GARIN2: variants seen among roughly 807,000 people sequenced by gnomAD.
The protein encoded by GARIN2 is Golgi-associated RAB2 interactor protein 2.
the GARIN2 span, among the ~76,000 whole-genome samples, chr14:67,205,510 C>T: frequency 6.6e-6 from 1 of 152,010 alleles, no homozygotes; most frequent in Non-Finnish European, 1.5e-5. Flanking sequence ...TACCCAGTAC[C>T]TTGAAGGATG....
the GARIN2 span, among the ~76,000 whole-genome samples, chr14:67,191,916 C>A: frequency 6.6e-6 from 1 of 152,236 alleles, no homozygotes; most frequent in Admixed American, 6.5e-5. Flanking sequence ...CAGAAACGTA[C>A]AACCTAATGT....
At chr14:67,208,089 G>A in the GARIN2 span, 27 of 1,437,118 alleles carry the variant, frequency 1.9e-5, no homozygotes, top group Middle Eastern at 1.0e-3. Context: ...TACTCCTCAC[G>A]GGTGCTCAGT....
chr14:67,202,943 T>G, the GARIN2 span: 1 of 831,942 alleles, frequency 1.2e-6, no homozygotes, highest in Non-Finnish European at 1.8e-6. Flanking sequence ...CTGCGGTATC[T>G]CCAAGAATTA....
At chr14:67,224,972 A>T in the GARIN2 span, 1 of 677,212 alleles carries the variant, frequency 1.5e-6, no homozygotes, top group South Asian at 1.9e-5. Flanking sequence ...AGGTGGTTAG[A>T]ACATAATCTG....
chr14:67,198,184 C>G, the GARIN2 span: 1 of 1,613,322 alleles, frequency 6.2e-7, no homozygotes, highest in African/African-American at 1.3e-5. Context: ...ACCAGCAAGA[C>G]TACCATGAGG....
At chr14:67,225,958 T>TGCGCGC in the GARIN2 span, among the ~76,000 whole-genome samples, 15 of 130,166 alleles carry the variant, frequency 1.2e-4, no homozygotes, top group African/African-American at 4.8e-4. Context: ...TGTGTGTGTG[T>TGCGCGC]GTGTGCGCGC....
At chr14:67,218,544 C>T in the GARIN2 span, among the ~76,000 whole-genome samples, 1 of 152,074 alleles carries the variant, frequency 6.6e-6, no homozygotes, top group Admixed American at 6.5e-5. Flanking sequence ...GGGACTGTTT[C>T]TCTGGTCCAG....
At chr14:67,195,890 C>T in the GARIN2 span, among the ~76,000 whole-genome samples, 10 of 152,110 alleles carry the variant, frequency 6.6e-5, no homozygotes, top group Non-Finnish European at 2.9e-5. Flanking sequence ...TATTGAGAGA[C>T]CTCCTAGAGA....
chr14:67,223,323 A>G, the GARIN2 span, among the ~76,000 whole-genome samples: 2 of 152,228 alleles, frequency 1.3e-5, no homozygotes, highest in Admixed American at 1.3e-4. Context: ...AGTGTCTAAA[A>G]ATATGAGATG....
chr14:67,193,646 T>A, the GARIN2 span, among the ~76,000 whole-genome samples: 1 of 146,134 alleles, frequency 6.8e-6, no homozygotes, highest in South Asian at 2.1e-4. Flanking sequence ...GATATAGATA[T>A]ATAGAAATTA....
the GARIN2 span, among the ~76,000 whole-genome samples, chr14:67,212,574 G>C: frequency 3.3e-5 from 4 of 123,026 alleles, no homozygotes; most frequent in South Asian, 9.4e-4. Flanking sequence ...CTGGGTGACA[G>C]AGCAAGACCC....
chr14:67,224,657 G>T, the GARIN2 span: 1 of 320,200 alleles, frequency 3.1e-6, no homozygotes, highest in South Asian at 2.5e-5. Context: ...CAAATTATGG[G>T]CTTATCTCTG....
chr14:67,201,340 A>T, the GARIN2 span: 1 of 376,832 alleles, frequency 2.7e-6, no homozygotes, highest in Non-Finnish European at 5.2e-6. Flanking sequence ...AAAGAGAGCA[A>T]TTATCTCAAA....
chr14:67,201,586 C>G, the GARIN2 span: 2 of 453,868 alleles, frequency 4.4e-6, no homozygotes, highest in Admixed American at 4.7e-5. Flanking sequence ...TGGTCACATG[C>G]CACTGCTGAA....
At chr14:67,225,315 C>T in the GARIN2 span, 1 of 1,284,274 alleles carries the variant, frequency 7.8e-7, no homozygotes, top group Admixed American at 3.5e-5. Context: ...AGCTATGATA[C>T]TGTCACACAA....
the GARIN2 span, among the ~76,000 whole-genome samples, chr14:67,211,152 A>G: frequency 6.6e-6 from 1 of 152,208 alleles, no homozygotes; most frequent in South Asian, 2.1e-4. Context: ...ACTATCTACC[A>G]TGTAGAATTG....
chr14:67,203,493 T>C, the GARIN2 span, among the ~76,000 whole-genome samples: 4 of 152,190 alleles, frequency 2.6e-5, no homozygotes, highest in African/African-American at 9.7e-5. Flanking sequence ...AGTTAATTTT[T>C]AAAAAACTAA....
At chr14:67,200,166 TC>T in the GARIN2 span, 2 of 1,159,444 alleles carry the variant, frequency 1.7e-6, no homozygotes, top group South Asian at 1.6e-5. Flanking sequence ...GTCCTATGCC[TC>T]CACATGGTAT....
chr14:67,200,481 G>GT, the GARIN2 span: 2 of 383,154 alleles, frequency 5.2e-6, no homozygotes, highest in East Asian at 1.0e-4. Flanking sequence ...TCCACAGGAG[G>GT]TATTTCTTTT....
Sources: gnomAD v4.1 joint callset for allele counts (sites outside exome capture counted in the v4.1 genomes callset) on GRCh38, gnomAD v4.1.1 for gene constraint, MANE v1.5 for transcripts, NCBI Gene and HGNC (gene_info 2026-07-23, HGNC 2026-07-21) for gene names.